The following DGKB variants were observed in gnomAD, a reference collection of about 807,000 sequenced individuals.
The protein encoded by DGKB is diacylglycerol kinase beta.
In DGKB, 67 loss-of-function variants were observed where a neutral mutation model predicts 114.3. The ratio of observed to expected loss-of-function variants is 0.59; its 90% confidence interval spans 0.48 to 0.72. DGKB has a LOEUF of 0.72. Among genes scored for constraint, DGKB ranks in the 30% least tolerant of loss-of-function variants. DGKB has a pLI of 0.00. For missense variants in DGKB, 907 were observed against 975.2 expected (o/e 0.93, Z 0.93); for synonymous variants, 398 against 323.1 (o/e 1.23, Z -2.49).
chr7:14,634,582 G>A (rs1487935322), intron 13 of DGKB, among the ~76,000 whole-genome samples: 1 of 150,568 alleles, frequency 6.6e-6, no homozygotes, highest in Non-Finnish European at 1.5e-5. Flanking sequence ...TTCCAGTGTA[G>A]TAGTTAAAGT....
intron 21 of DGKB, among the ~76,000 whole-genome samples, chr7:14,455,425 CTCTTTT>C (rs900054780): frequency 1.3e-5 from 2 of 151,912 alleles, no homozygotes; most frequent in African/African-American, 2.4e-5. Flanking sequence ...CAACAAAAAT[CTCTTTT>C]TATTTTATCT....
intron 1 of DGKB, among the ~76,000 whole-genome samples, chr7:14,852,487 C>CAA: frequency 0.03 from 1,938 of 63,624 alleles, 333 homozygotes; most frequent in Admixed American, 0.043. Flanking sequence ...TAGTGAAAGT[C>CAA]AAAAAAAAAA....
chr7:14,796,537 C>A (rs1841431846), intron 2 of DGKB, among the ~76,000 whole-genome samples: 2 of 152,140 alleles, frequency 1.3e-5, no homozygotes, highest in South Asian at 4.2e-4. Flanking sequence ...TTTACCCGCA[C>A]AATTCTGAAG....
At chr7:14,631,979 C>T (rs184478247) in intron 13 of DGKB, among the ~76,000 whole-genome samples, 91 of 152,014 alleles carry the variant, frequency 6.0e-4, no homozygotes, top group African/African-American at 2.1e-3. Flanking sequence ...GCCTCCAGAG[C>T]CTGAGTCAGA....
chr7:14,608,420 A>T (rs891360243), intron 16 of DGKB, among the ~76,000 whole-genome samples: 7 of 151,976 alleles, frequency 4.6e-5, no homozygotes, highest in African/African-American at 1.7e-4. Flanking sequence ...AACAGACTAG[A>T]CATCAAAGGA....
At chr7:14,839,903 C>A (rs1222664023) in intron 2 of DGKB, among the ~76,000 whole-genome samples, 1 of 151,896 alleles carries the variant, frequency 6.6e-6, no homozygotes, top group Non-Finnish European at 1.5e-5. Context: ...CATTCTCATA[C>A]CCTCATTCAA....
intron 23 of DGKB, among the ~76,000 whole-genome samples, chr7:14,259,405 CTCTATA>C (rs760446980): frequency 0.15 from 14,121 of 94,716 alleles, 768 homozygotes; most frequent in Non-Finnish European, 0.21. Context: ...CTCTCTCTCT[CTCTATA>C]TATATATATA....
chr7:14,661,365 A>T (rs373228169), intron 13 of DGKB, among the ~76,000 whole-genome samples: 8 of 146,080 alleles, frequency 5.5e-5, no homozygotes, highest in African/African-American at 1.5e-4. Flanking sequence ...CAAGAAAAAA[A>T]CAAACAACCC....
chr7:14,711,734 C>G (rs1383336803), intron 6 of DGKB, among the ~76,000 whole-genome samples: 1 of 152,050 alleles, frequency 6.6e-6, no homozygotes, highest in Non-Finnish European at 1.5e-5. Flanking sequence ...ACAGGATGAT[C>G]TCTGGGGAGT....
intron 1 of DGKB, among the ~76,000 whole-genome samples, chr7:14,943,089 G>A (rs1785663072): frequency 6.6e-6 from 1 of 151,730 alleles, no homozygotes; most frequent in Non-Finnish European, 1.5e-5. Flanking sequence ...TGATAATGGT[G>A]TGCTTTATTT....
chr7:14,383,275 C>T (rs569828303), intron 21 of DGKB, among the ~76,000 whole-genome samples: 106 of 152,188 alleles, frequency 7.0e-4, no homozygotes, highest in African/African-American at 2.2e-3. Flanking sequence ...GTTATATCTG[C>T]GGTACACCAG....
intron 21 of DGKB, among the ~76,000 whole-genome samples, chr7:14,448,182 G>A (rs1830986866): frequency 6.6e-6 from 1 of 152,030 alleles, no homozygotes; most frequent in Non-Finnish European, 1.5e-5. Context: ...TAATAGAAGA[G>A]CCACATAATG....
intron 1 of DGKB, among the ~76,000 whole-genome samples, chr7:14,847,146 C>A (rs1446907530): frequency 6.6e-6 from 1 of 152,044 alleles, no homozygotes; most frequent in Non-Finnish European, 1.5e-5. Flanking sequence ...AAAAAATTAA[C>A]AGAGCGTGGT....
In DGKB at chr7:14,724,416, G is replaced by C. The variant is rs1431763987; in HGVS notation, c.323-5731C>G. 2.6e-5 allele frequency among the ~76,000 whole-genome samples: 4 copies of C among 152,278 alleles called. No homozygotes were observed. In the East Asian group the frequency reaches 7.7e-4, roughly 29 times the overall value. The stretch of plus-strand genomic sequence containing the variant: ...GGTAGATGGCATTTTCAGTGAATAA[G>C]AAATGTAATAGAGATGGTGATTCCT... On this transcript the variant is annotated intron_variant, in intron 5 of 25. Coordinates refer to ENST00000402815, the MANE Select transcript of DGKB (RefSeq NM_001350709.2).
chr7:14,190,767 G>A (rs564021820), intron 23 of DGKB: 2 of 152,482 alleles, frequency 1.3e-5, no homozygotes, highest in East Asian at 1.9e-4. Context: ...TAGAACACCA[G>A]TGTCATGAAA....
chr7:14,867,954 C>T (rs1030299530), intron 1 of DGKB, among the ~76,000 whole-genome samples: 3 of 152,006 alleles, frequency 2.0e-5, no homozygotes, highest in Non-Finnish European at 4.4e-5. Context: ...GAGGTGCTCC[C>T]CATTGGATTT....
At chr7:14,412,842 G>A (rs923341652) in intron 21 of DGKB, among the ~76,000 whole-genome samples, 1 of 151,930 alleles carries the variant, frequency 6.6e-6, no homozygotes, top group Admixed American at 6.6e-5. Flanking sequence ...ATTAGAAGGC[G>A]TGATGGTGCG....
chr7:14,576,451 A>G (rs1247819873), intron 19 of DGKB, among the ~76,000 whole-genome samples: 1 of 151,854 alleles, frequency 6.6e-6, no homozygotes, highest in Non-Finnish European at 1.5e-5. Flanking sequence ...AAAACACTTA[A>G]ATATATTCAT....
intron 19 of DGKB, among the ~76,000 whole-genome samples, chr7:14,578,623 T>G (rs903768838): frequency 6.6e-6 from 1 of 152,210 alleles, no homozygotes; most frequent in Non-Finnish European, 1.5e-5. Context: ...TACCTCCAGT[T>G]TGGCTACTTG....
Sources: gnomAD v4.1 joint callset for allele counts (sites outside exome capture counted in the v4.1 genomes callset) on GRCh38, gnomAD v4.1.1 for gene constraint, MANE v1.5 for transcripts, NCBI Gene and HGNC (gene_info 2026-07-23, HGNC 2026-07-21) for gene names.